Variants in CREB5 observed in about 807,000 individuals in gnomAD.
CREB5 encodes the protein cAMP responsive element binding protein 5.
CREB5 carries 19 observed loss-of-function variants against 57.1 expected under a neutral mutation model. That is an observed-to-expected ratio of 0.33 (90% CI 0.23 to 0.49). CREB5 has a LOEUF of 0.49. Among genes scored for constraint, CREB5 ranks in the 20% least tolerant of loss-of-function variants. CREB5 has a pLI of 0.99. For missense variants in CREB5, 579 were observed against 671.6 expected (o/e 0.86, Z 1.52); for synonymous variants, 238 against 238.3 (o/e 1.00, Z 0.01).
At chr7:28,485,463 G>A (rs997398993) in intron 1 of CREB5, among the ~76,000 whole-genome samples, 1 of 151,788 alleles carries the variant, frequency 6.6e-6, no homozygotes, top group Non-Finnish European at 1.5e-5. Context: ...TTTATAAATA[G>A]ATAATATTTA....
At chr7:28,445,475 C>G (rs1349486248) in intron 1 of CREB5, among the ~76,000 whole-genome samples, 1 of 151,852 alleles carries the variant, frequency 6.6e-6, no homozygotes, top group Non-Finnish European at 1.5e-5. Flanking sequence ...GAGGAAGAAA[C>G]TAAGAATCCT....
chr7:28,397,709 C>T (rs1022307530), intron 1 of CREB5, among the ~76,000 whole-genome samples: 6 of 152,128 alleles, frequency 3.9e-5, no homozygotes, highest in African/African-American at 1.4e-4. Flanking sequence ...AAACAGGATC[C>T]GTACTCCTAA....
At position 28,819,096 on chromosome 7, in the gene CREB5, GTCT is replaced by G. The variant is rs1489884933; in HGVS notation, c.1364-18_1364-16del. 6 of 1,607,962 alleles carry G rather than the reference GTCT, an allele frequency of 3.7e-6. No individual in the cohort carries two copies. Among genetic ancestry groups the G allele is most frequent in the Non-Finnish European group, 5.1e-6 (6 of 1,177,340 alleles). ...TGGTGTGTGTGTATGTGTGTGTGTTGTCTTTTTTTTTCTCCCTAGGTCCAGAGA... is the reference window on the plus strand; with the variant it reads ...TGGTGTGTGTGTATGTGTGTGTGTTGTTTTTTTTCTCCCTAGGTCCAGAGA... On this transcript the variant is annotated splice_polypyrimidine_tract_variant and intron_variant, in intron 10 of 10. Transcript: ENST00000357727.
intron 5 of CREB5, among the ~76,000 whole-genome samples, chr7:28,572,066 G>T (rs1467913412): frequency 2.6e-5 from 4 of 152,196 alleles, no homozygotes; most frequent in African/African-American, 4.8e-5. Flanking sequence ...TTCCAGACCT[G>T]CAGGGAACAC....
chr7:28,329,264 T>C (rs1000005154), intron 1 of CREB5, among the ~76,000 whole-genome samples: 2 of 152,186 alleles, frequency 1.3e-5, no homozygotes, highest in African/African-American at 4.8e-5. Context: ...GGGGTTCCCT[T>C]TTTTGGCATC....
intron 7 of CREB5, among the ~76,000 whole-genome samples, chr7:28,746,234 G>A (rs1804674236): frequency 6.6e-6 from 1 of 152,162 alleles, no homozygotes; most frequent in Admixed American, 6.6e-5. Context: ...GGGACATGGA[G>A]AGAAAGAAAT....
intron 7 of CREB5, among the ~76,000 whole-genome samples, chr7:28,732,811 A>G (rs1803733235): frequency 6.8e-6 from 1 of 147,232 alleles, no homozygotes; most frequent in African/African-American, 2.5e-5. Context: ...GGGTAGACAG[A>G]GGAGGCAAAG....
intron 4 of CREB5, among the ~76,000 whole-genome samples, chr7:28,557,977 A>G (rs1003791470): frequency 2.0e-5 from 3 of 152,204 alleles, no homozygotes; most frequent in Admixed American, 1.3e-4. Flanking sequence ...AAGTTGTGCT[A>G]GGAGAAATTG....
intron 1 of CREB5, among the ~76,000 whole-genome samples, chr7:28,318,678 C>A (rs1785427755): frequency 6.6e-6 from 1 of 152,134 alleles, no homozygotes; most frequent in Non-Finnish European, 1.5e-5. Context: ...GAGACAGAAC[C>A]AGTTCCTGGT....
chr7:28,316,280 C>T (rs141926255), intron 1 of CREB5, among the ~76,000 whole-genome samples: 1 of 152,188 alleles, frequency 6.6e-6, no homozygotes, highest in Non-Finnish European at 1.5e-5. Context: ...GATTTTCAGA[C>T]ATCTGCCTGG....
intron 5 of CREB5, among the ~76,000 whole-genome samples, chr7:28,575,452 A>G (rs1795868242): frequency 6.6e-6 from 1 of 152,234 alleles, no homozygotes; most frequent in Admixed American, 6.5e-5. Context: ...TGCCCTGTCA[A>G]TGCATATGCG....
At position 28,348,439 on chromosome 7, in the gene CREB5, CA is replaced by C. The variant is rs1786119568; in HGVS notation, c.-25+48999del. On this transcript the variant is annotated intron_variant, in intron 1 of 9. Coordinates refer to the CREB5 transcript ENST00000396299. ...ACACACACACACACACACACACACA[CA>C]CACAGACACCTTGCATGGTAGTGGT... Among the ~76,000 whole-genome samples, 4 of 150,596 alleles carry C rather than the reference CA, an allele frequency of 2.7e-5. No individual in the cohort carries two copies. The South Asian group carries it at 6.4e-4, about 24-fold the overall frequency.
intron 5 of CREB5, among the ~76,000 whole-genome samples, chr7:28,661,595 C>T (rs1295846310): frequency 6.6e-6 from 1 of 152,178 alleles, no homozygotes; most frequent in Non-Finnish European, 1.5e-5. Flanking sequence ...CATTTAGAGA[C>T]TAAACTTCAT....
intron 7 of CREB5, among the ~76,000 whole-genome samples, chr7:28,735,711 A>G (rs1803936633): frequency 6.6e-6 from 1 of 152,138 alleles, no homozygotes; most frequent in East Asian, 1.9e-4. Context: ...GAAAATATCT[A>G]CTTATCAAAT....
intron 5 of CREB5, among the ~76,000 whole-genome samples, chr7:28,586,380 T>C (rs192690920): frequency 0.028 from 4,239 of 152,218 alleles, 99 homozygotes; most frequent in Middle Eastern, 0.048. Flanking sequence ...CTTTCTAAAA[T>C]AGGAATTAGC....
At chr7:28,712,778 C>T (rs1231490653) in intron 5 of CREB5, among the ~76,000 whole-genome samples, 1 of 151,848 alleles carries the variant, frequency 6.6e-6, no homozygotes, top group Non-Finnish European at 1.5e-5. Flanking sequence ...AAGCAATCCG[C>T]CTGTCTCGTC....
At chr7:28,506,604 T>G (rs950940859) in intron 3 of CREB5, among the ~76,000 whole-genome samples, 1 of 152,226 alleles carries the variant, frequency 6.6e-6, no homozygotes, top group African/African-American at 2.4e-5. Flanking sequence ...TTTTCTGATC[T>G]GCAAAAATTT....
At chr7:28,477,097 C>T (rs1377457944) in intron 1 of CREB5, among the ~76,000 whole-genome samples, 1 of 152,154 alleles carries the variant, frequency 6.6e-6, no homozygotes, top group African/African-American at 2.4e-5. Flanking sequence ...GACCTGTGTC[C>T]TTGGTTTCTG....
intron 5 of CREB5, among the ~76,000 whole-genome samples, chr7:28,666,514 A>C (rs1253401557): frequency 1.3e-5 from 2 of 151,996 alleles, no homozygotes; most frequent in African/African-American, 4.8e-5. Context: ...TTTTTTGAGA[A>C]TCAGTCCAAA....
Sources: allele counts gnomAD v4.1 joint callset (sites outside exome capture counted in the v4.1 genomes callset), GRCh38; gene constraint gnomAD v4.1.1; transcripts MANE v1.5; gene names NCBI Gene and HGNC (gene_info 2026-07-23, HGNC 2026-07-21).